The following VPS72 variants were observed in gnomAD, a reference collection of about 807,000 sequenced individuals.
VPS72 encodes the protein vacuolar protein sorting 72 homolog.
In VPS72, 27 loss-of-function variants were observed where a neutral mutation model predicts 38.9. That is an observed-to-expected ratio of 0.69 (90% CI 0.51 to 0.96). The LOEUF is 0.96. Among genes scored for constraint, VPS72 ranks in the 40% least tolerant of loss-of-function variants. The pLI, the probability that VPS72 is intolerant of heterozygous loss-of-function variation, is 0.00. For missense variants in VPS72, 360 were observed against 479.5 expected (o/e 0.75, Z 2.33); for synonymous variants, 173 against 186.3 (o/e 0.93, Z 0.58).
intron 4 of VPS72, among the ~76,000 whole-genome samples, chr1:151,179,495 A>T (rs1684191240): frequency 6.6e-6 from 1 of 152,106 alleles, no homozygotes; most frequent in Non-Finnish European, 1.5e-5. Flanking sequence ...GCTACTCGGG[A>T]GGCTGGGGCA....
At position 151,185,491 on chromosome 1, in the gene VPS72, A is replaced by G. The variant is rs1405674547; in HGVS notation, c.385+15T>C. The G allele has an allele frequency of 1.9e-6, 3 of 1,612,390 alleles. No individual in the cohort carries two copies. Among genetic ancestry groups the G allele is most frequent in the Admixed American group, 1.7e-5 (1 of 59,998 alleles). The stretch of plus-strand genomic sequence containing the variant: ...TATTCCAATTTTGCCAATTGACCCT[A>G]ACATCCCTACTCACTGTCAGAGCCG... On this transcript the variant is annotated intron_variant, in intron 3 of 5. Transcript: ENST00000368892.
At position 151,179,408 on chromosome 1, in the gene VPS72, G is replaced by C. The variant is rs190943941; in HGVS notation, c.563-1263C>G. 1.1e-3 allele frequency among the ~76,000 whole-genome samples: 164 copies of C among 151,778 alleles called. 2 individuals are homozygous for C. The highest frequency in any genetic ancestry group is 3.4e-3 in the Middle Eastern group (1 of 290). ...AGGTCAGGAGATCAAGACCATCTTG[G>C]CCAACATAGAGAAACCCTGTCTCTA... On this transcript the variant is annotated intron_variant, in intron 4 of 5. Transcript: ENST00000368892.
At chr1:151,178,189 C>T in intron 4 of VPS72, 44 bp from the exon 5 acceptor site, 1 of 1,601,542 alleles carries the variant, frequency 6.2e-7, no homozygotes. Context: ...CAGAATGTCC[C>T]TTTTTCCCAT....
At chr1:151,181,227 T>C (rs1684231306) in intron 4 of VPS72, among the ~76,000 whole-genome samples, 1 of 149,546 alleles carries the variant, frequency 6.7e-6, no homozygotes, top group Non-Finnish European at 1.5e-5. Context: ...CTAACAACCT[T>C]CTTTTCCATG....
intron 4 of VPS72, among the ~76,000 whole-genome samples, chr1:151,179,265 G>A (rs1261914897): frequency 1.3e-5 from 2 of 151,360 alleles, no homozygotes; most frequent in African/African-American, 4.9e-5. Flanking sequence ...CAATAAGAGC[G>A]AAACTCTGTC....
chr1:151,187,160 A>G lies in VPS72; in HGVS notation c.118-1210T>C, dbSNP rs139349460. ...GAGTAGAGAACGTGAAGTACAGCCT[A>G]GACCTCAGGTGAACTGGTTAGGGCT... is the stretch of plus-strand genomic sequence containing the variant. On this transcript the variant is annotated intron_variant, in intron 1 of 5. Coordinates refer to ENST00000368892, the MANE Select transcript of VPS72 (RefSeq NM_005997.3). Among the ~76,000 whole-genome samples the G allele has an allele frequency of 1.8e-3, 267 of 152,310 alleles. 5 individuals are homozygous for G. The East Asian group carries it at 0.035, about 20-fold the overall frequency.
intron 4 of VPS72, among the ~76,000 whole-genome samples, chr1:151,179,415 T>C (rs1010803097): frequency 6.6e-6 from 1 of 151,730 alleles, no homozygotes; most frequent in East Asian, 1.9e-4. Context: ...TTGGCCAACA[T>C]AGAGAAACCC....
rs767122040 is a variant in VPS72, at chr1:151,176,978, G to A, written c.761C>T (p.Pro254Leu). The A allele has an allele frequency of 6.2e-7, 1 of 1,602,586 alleles. No individual in the cohort carries two copies. Among genetic ancestry groups the A allele is most frequent in the Non-Finnish European group, 8.5e-7 (1 of 1,172,812 alleles). The change falls in exon 6 of 6, where the codon CCC becomes CTC. Residue 254 changes from proline to leucine, a missense_variant. Physicochemically the swap from Pro to Leu is moderately conservative, Grantham distance 98 (BLOSUM62 -3). Transcript: ENST00000368892. The stretch of plus-strand genomic sequence containing the variant: ...TGAGCAGCGAGCAGGGGGGTTGACG[G>A]GTCCAGTCCCAGCATGAGGAGTCAA... The part of the protein sequence containing the change: ...SALTPHAGTG[P>L]VNPPARCSRT...
At chr1:151,179,814 C>G (rs1263729831) in intron 4 of VPS72, among the ~76,000 whole-genome samples, 1 of 152,130 alleles carries the variant, frequency 6.6e-6, no homozygotes, top group Non-Finnish European at 1.5e-5. Flanking sequence ...TTGCTTGAAC[C>G]TGGGAGGCGG....
intron 4 of VPS72, 81 bp downstream of exon 4, chr1:151,184,236 G>A (rs900204841): frequency 1.3e-6 from 2 of 1,537,446 alleles, no homozygotes; most frequent in South Asian, 1.2e-5. Flanking sequence ...CATCTCTCCA[G>A]TTCTTTGGTC....
intron 1 of VPS72, among the ~76,000 whole-genome samples, chr1:151,188,571 C>A (rs896319604): frequency 8.5e-5 from 13 of 152,212 alleles, no homozygotes; most frequent in African/African-American, 3.1e-4. Flanking sequence ...GCTTATCAAT[C>A]TTTAGTCTCC....
chr1:151,182,972 C>A (rs587634307), intron 4 of VPS72, among the ~76,000 whole-genome samples: 49 of 152,318 alleles, frequency 3.2e-4, no homozygotes, highest in African/African-American at 1.1e-3. Flanking sequence ...GCCCAGATCT[C>A]TTATTGGAAC....
chr1:151,177,682 C>T (rs768600107), intron 5 of VPS72, among the ~76,000 whole-genome samples: 9 of 151,774 alleles, frequency 5.9e-5, no homozygotes, highest in Non-Finnish European at 1.0e-4. Context: ...ACAGCGAAAC[C>T]GTCTCTACAA....
intron 1 of VPS72, among the ~76,000 whole-genome samples, chr1:151,188,648 T>G (rs1270490045): frequency 6.6e-6 from 1 of 152,194 alleles, no homozygotes; most frequent in Non-Finnish European, 1.5e-5. Context: ...CTTTACATAC[T>G]CAGCCCATCC....
chr1:151,185,464 T>C, intron 3 of VPS72, 42 bp downstream of exon 3: 1 of 1,560,732 alleles, frequency 6.4e-7, no homozygotes. Context: ...ACTTTATTAT[T>C]ATATTCCAAT....
intron 1 of VPS72, among the ~76,000 whole-genome samples, chr1:151,186,546 G>A (rs1204375003): frequency 4.0e-5 from 6 of 150,084 alleles, no homozygotes; most frequent in South Asian, 2.1e-4. Context: ...GCGACAGGGC[G>A]AGACACAGTC....
At chr1:151,182,436 G>A (rs769042346) in intron 4 of VPS72, among the ~76,000 whole-genome samples, 4 of 151,980 alleles carry the variant, frequency 2.6e-5, no homozygotes, top group Non-Finnish European at 5.9e-5. Context: ...ATTAATAACC[G>A]TTTTTTCTTC....
In VPS72 at chr1:151,176,445, C is replaced by G; in HGVS notation, c.*199G>C. 1.1e-6 allele frequency: 1 copy of G among 896,146 alleles called. No individual in the cohort carries two copies. Among genetic ancestry groups the G allele is most frequent in the Non-Finnish European group, 1.6e-6 (1 of 606,834 alleles). The allele number at this position is 896,146 out of a possible 1,614,324, so 55.5% of individuals were successfully genotyped here. Reference sequence around the variant, plus strand: ...AATACTTCTTGCTCCCAACCCTAGACTGGACACCAGACAAAAGGGATCTTT... The same window carrying G: ...AATACTTCTTGCTCCCAACCCTAGAGTGGACACCAGACAAAAGGGATCTTT... On this transcript the variant is annotated 3_prime_UTR_variant, in exon 6 of 6. Transcript: ENST00000368892.
chr1:151,189,832 C>T (rs587701574), intron 1 of VPS72, among the ~76,000 whole-genome samples, 173 bp downstream of exon 1: 1 of 152,222 alleles, frequency 6.6e-6, no homozygotes, highest in East Asian at 1.9e-4. Flanking sequence ...TTCTAGGACT[C>T]CACACTATCC....
Sources: gnomAD v4.1 joint callset for allele counts (sites outside exome capture counted in the v4.1 genomes callset) on GRCh38, gnomAD v4.1.1 for gene constraint, MANE v1.5 for transcripts, NCBI Gene and HGNC (gene_info 2026-07-23, HGNC 2026-07-21) for gene names.